Variants in KIRREL3 observed in about 807,000 individuals in gnomAD.
KIRREL3 encodes the protein kin of IRRE-like protein 3.
A neutral mutation model predicts 89.7 loss-of-function variants in KIRREL3; 36 were observed. That is an observed-to-expected ratio of 0.40 (90% confidence interval 0.31 to 0.53). The LOEUF is 0.53. Ranked by LOEUF, KIRREL3 falls within the 20% of genes least tolerant of loss-of-function variation. The probability of loss-of-function intolerance (pLI) is 0.49; values close to 1 mark genes in which losing one functional copy is unlikely to be tolerated. For synonymous variants in KIRREL3, 445 were observed against 441.4 expected, an observed-to-expected ratio of 1.01 and a Z score of -0.10; for missense variants, 864 against 1,056.6, an observed-to-expected ratio of 0.82 and a Z score of 2.53.
chr11:126,637,615 T>C (rs887702248), intron 1 of KIRREL3, among the ~76,000 whole-genome samples: 1 of 152,216 alleles, frequency 6.6e-6, no homozygotes, highest in Admixed American at 6.5e-5. Flanking sequence ...GATAAAAACA[T>C]GGCTAGTGCT....
chr11:126,888,694 C>T (rs1475987178), intron 1 of KIRREL3, among the ~76,000 whole-genome samples: 4 of 152,048 alleles, frequency 2.6e-5, no homozygotes, highest in Admixed American at 6.6e-5. Flanking sequence ...CAGGTGACGC[C>T]GCTCGAGGTT....
Position 126,844,620 on chromosome 11 carries a change from C to T in KIRREL3, c.55+155835G>A, listed in dbSNP as rs1163358689. ...GACCGAACTTGAGTTTGAGGCCCAA[C>T]TTAGGAAGGTTAGAGTCCTTCCTAA... is the stretch of plus-strand genomic sequence containing the variant. On this transcript the variant is annotated intron_variant, in intron 1 of 16. Coordinates refer to ENST00000525144, the MANE Select transcript of KIRREL3 (RefSeq NM_032531.4). This position sits in a 1 kb window ranked among gnomAD's most constrained non-coding sequence, Gnocchi z 4.8. Among the ~76,000 whole-genome samples, 1 of 152,134 alleles carries T rather than the reference C, an allele frequency of 6.6e-6. No individual in the cohort carries two copies. Among genetic ancestry groups the T allele is most frequent in the Non-Finnish European group, 1.5e-5 (1 of 68,016 alleles).
chr11:126,511,832 G>C (rs6590215), intron 4 of KIRREL3, among the ~76,000 whole-genome samples: 49,500 of 152,144 alleles, frequency 0.33, 8,439 homozygotes, highest in Admixed American at 0.39. Flanking sequence ...TCCATAATTT[G>C]CTGTGAAACC....
rs1472406309 is a variant in KIRREL3, at chr11:126,933,831, GGA to G, written c.55+66622_55+66623del. ...GAAATTAAAGAAGTTCTAAATAAAT[GGA>G]GAGACATTCCATTTTAATGGTTAAA... On this transcript the variant is annotated intron_variant, in intron 1 of 16. Transcript: ENST00000525144. Among the ~76,000 whole-genome samples the G allele has an allele frequency of 1.8e-4, 27 of 150,336 alleles. 1 individual carries two copies. Among genetic ancestry groups the G allele is most frequent in the African/African-American group, 4.6e-4 (19 of 40,944 alleles).
Position 126,923,187 on chromosome 11 carries a change from C to CTTCTCTTCTTCTTCTTCTACT in KIRREL3, c.55+77267_55+77268insAGTAGAAGAAGAAGAAGAGAA, listed in dbSNP as rs1555090325. ...TTCTTCTTCTTCTTCTCTTCTTCTT[C>CTTCTCTTCTTCTTCTTCTACT]TCTTCTTCTTCTTCTTCTTCTTCTT... On this transcript the variant is annotated intron_variant, in intron 1 of 16. Coordinates refer to ENST00000525144, the MANE Select transcript of KIRREL3 (RefSeq NM_032531.4). Among the ~76,000 whole-genome samples, 32 of 23,842 alleles carry CTTCTCTTCTTCTTCTTCTACT rather than the reference C, an allele frequency of 1.3e-3. 9 individuals are homozygous for CTTCTCTTCTTCTTCTTCTACT. The highest frequency in any genetic ancestry group is 4.4e-3 in the African/African-American group (19 of 4,296). The allele number at this position is 23,842 out of a possible 152,430, so 15.6% of individuals were successfully genotyped here.
rs1447315471 is a variant in KIRREL3 at position 126,780,373 on chromosome 11, G to A, written c.56-217461C>T. Among the ~76,000 whole-genome samples, 1 of 152,154 alleles carries A rather than the reference G, an allele frequency of 6.6e-6. No individual in the cohort carries two copies. Among genetic ancestry groups the A allele is most frequent in the Non-Finnish European group, 1.5e-5 (1 of 68,028 alleles). ...ACATTGTGGCTTTAAATAAAAACCAGCTATTCGTGGGGAAGCCTGACAGGG... is the reference window on the plus strand; with the variant it reads ...ACATTGTGGCTTTAAATAAAAACCAACTATTCGTGGGGAAGCCTGACAGGG... On this transcript the variant is annotated intron_variant, in intron 1 of 16. Coordinates refer to ENST00000525144, the MANE Select transcript of KIRREL3 (RefSeq NM_032531.4). This position sits in a 1 kb window ranked among gnomAD's most constrained non-coding sequence, Gnocchi z 5.3.
intron 1 of KIRREL3, among the ~76,000 whole-genome samples, chr11:126,634,134 C>T (rs777662959): frequency 1.2e-4 from 19 of 152,116 alleles, no homozygotes; most frequent in African/African-American, 3.6e-4. Context: ...GATCCAGTGT[C>T]GAAGGCCAAT....
intron 1 of KIRREL3, among the ~76,000 whole-genome samples, chr11:126,827,950 G>A (rs1030131633): frequency 6.6e-6 from 1 of 152,076 alleles, no homozygotes; most frequent in Admixed American, 6.6e-5. Flanking sequence ...GAATGACTTG[G>A]ATCCAATCTT....
At chr11:126,512,411 C>G (rs745802118) in intron 4 of KIRREL3, among the ~76,000 whole-genome samples, 1 of 152,168 alleles carries the variant, frequency 6.6e-6, no homozygotes, top group African/African-American at 2.4e-5. Flanking sequence ...CAGTGGCCAG[C>G]GGGGCTTCCA....
intron 4 of KIRREL3, among the ~76,000 whole-genome samples, chr11:126,483,378 T>G (rs1270536526): frequency 3.9e-5 from 6 of 152,270 alleles, no homozygotes; most frequent in Non-Finnish European, 8.8e-5. Flanking sequence ...CTTCTTAATC[T>G]ATCGTTTGTT....
rs11220610 is a variant in KIRREL3 at position 126,790,903 on chromosome 11, G to A, written c.55+209552C>T. ...CAGGGGGCAAATGACGGATGGAACCGTCATAAACAAGAACAATGCCTATTG... is the reference window on the plus strand; with the variant it reads ...CAGGGGGCAAATGACGGATGGAACCATCATAAACAAGAACAATGCCTATTG... On this transcript the variant is annotated intron_variant, in intron 1 of 16. Transcript: ENST00000525144. 5.3e-3 allele frequency among the ~76,000 whole-genome samples: 803 copies of A among 152,252 alleles called. 1 individual carries two copies. Among genetic ancestry groups the A allele is most frequent in the Non-Finnish European group, 8.2e-3 (558 of 68,024 alleles).
At chr11:126,464,656 G>A (rs1956662136) in intron 5 of KIRREL3, among the ~76,000 whole-genome samples, 1 of 152,188 alleles carries the variant, frequency 6.6e-6, no homozygotes, top group African/African-American at 2.4e-5. Flanking sequence ...AAGGCCAGGT[G>A]AAGGTGGAGG....
At chr11:126,725,857 C>T (rs758382214) in intron 1 of KIRREL3, among the ~76,000 whole-genome samples, 3 of 152,310 alleles carry the variant, frequency 2.0e-5, no homozygotes, top group East Asian at 3.9e-4. Context: ...TGCTTCCCCT[C>T]GCTGAGTCTC....
chr11:126,781,184 C>T (rs924420474), intron 1 of KIRREL3, among the ~76,000 whole-genome samples: 1 of 152,196 alleles, frequency 6.6e-6, no homozygotes, highest in African/African-American at 2.4e-5. Flanking sequence ...TGACCTTTCA[C>T]TTTAATATCT....
chr11:126,670,988 T>C (rs1470431900), intron 1 of KIRREL3, among the ~76,000 whole-genome samples: 1 of 151,956 alleles, frequency 6.6e-6, no homozygotes, highest in Non-Finnish European at 1.5e-5. Flanking sequence ...CACAAATAGA[T>C]CAGTGGAACA....
chr11:126,433,175 G>A (rs1158842574), intron 13 of KIRREL3, among the ~76,000 whole-genome samples: 2 of 152,200 alleles, frequency 1.3e-5, no homozygotes, highest in Non-Finnish European at 2.9e-5. Context: ...CATCGTTCCC[G>A]ATCAGCAGTT....
chr11:126,629,931 C>T (rs1400422492), intron 1 of KIRREL3, among the ~76,000 whole-genome samples: 5 of 152,180 alleles, frequency 3.3e-5, no homozygotes, highest in African/African-American at 1.2e-4. Context: ...TGTAAACAGT[C>T]CCTTTATTAA....
chr11:126,916,065 T>C (rs1005605671), intron 1 of KIRREL3, among the ~76,000 whole-genome samples: 4 of 152,178 alleles, frequency 2.6e-5, no homozygotes, highest in Non-Finnish European at 5.9e-5. Context: ...ATGTAAAACA[T>C]ATACAGCCTT....
intron 1 of KIRREL3, among the ~76,000 whole-genome samples, chr11:126,660,780 T>G (rs1355686175): frequency 6.6e-6 from 1 of 152,134 alleles, no homozygotes; most frequent in African/African-American, 2.4e-5. Context: ...TGAGGCTTGG[T>G]TAGTAAAGGA....
Sources: gnomAD v4.1 joint callset for allele counts (sites outside exome capture counted in the v4.1 genomes callset) on GRCh38, gnomAD v4.1.1 for gene constraint, Gnocchi (gnomAD v3.1) non-coding constraint, MANE v1.5 for transcripts, NCBI Gene and HGNC (gene_info 2026-07-23, HGNC 2026-07-21) for gene names.